Variants in GOLGA8A observed in about 807,000 individuals in gnomAD.
The protein encoded by GOLGA8A is golgin subfamily A member 8A.
In GOLGA8A, 3 loss-of-function variants were observed where a neutral mutation model predicts 22.1. The observed-to-expected ratio is 0.14, with a 90% CI of 0.06 to 0.35. GOLGA8A has a LOEUF of 0.35. Ranked by LOEUF, GOLGA8A falls within the 10% of genes least tolerant of loss-of-function variation. The pLI is 1.00. For synonymous variants in GOLGA8A, 7 were observed against 91.7 expected (o/e 0.08, Z 5.28); for missense variants, 16 against 233.2 (o/e 0.07, Z 6.07).
intron 2 of GOLGA8A, among the ~76,000 whole-genome samples, chr15:34,429,580 C>A (rs1043008136): frequency 1.3e-5 from 2 of 149,120 alleles, no homozygotes; most frequent in Admixed American, 6.8e-5. Context: ...GGGCCTTGGA[C>A]CCAGAGCCAG....
chr15:34,425,542 CTAAG>C (rs1892950702), intron 2 of GOLGA8A, among the ~76,000 whole-genome samples: 1 of 145,142 alleles, frequency 6.9e-6, no homozygotes, highest in Non-Finnish European at 1.5e-5. Context: ...AACCCATTCT[CTAAG>C]TAAGATACAA....
rs539295043 is a variant in GOLGA8A at position 34,437,185 on chromosome 15, G to A, written c.-1212+213C>T. Among the ~76,000 whole-genome samples, 69 of 147,428 alleles carry A rather than the reference G, an allele frequency of 4.7e-4. 4 individuals carry two copies. Among genetic ancestry groups the A allele is most frequent in the African/African-American group, 1.7e-3 (67 of 40,042 alleles). Reference sequence around the variant, plus strand: ...CGCCCGCCCATCGTGGGAGGAGGATGGGCCGGTCCGAGAGGCGTAAGGCCG... The same window carrying A: ...CGCCCGCCCATCGTGGGAGGAGGATAGGCCGGTCCGAGAGGCGTAAGGCCG... On this transcript the variant is annotated intron_variant, in intron 1 of 24. Coordinates refer to ENST00000359187, the MANE Select transcript of GOLGA8A (RefSeq NM_181077.5).
At chr15:34,431,355 C>CAT (rs1398032616) in intron 2 of GOLGA8A, among the ~76,000 whole-genome samples, 1 of 122,384 alleles carries the variant, frequency 8.2e-6, no homozygotes, top group Non-Finnish European at 1.7e-5. Flanking sequence ...ATCTCACACA[C>CAT]ACACACTCGT....
chr15:34,405,640 T>TC (rs1892198276), intron 4 of GOLGA8A, among the ~76,000 whole-genome samples: 1 of 141,264 alleles, frequency 7.1e-6, no homozygotes, highest in African/African-American at 2.5e-5. Context: ...GCTTCTGTGT[T>TC]CCCACAGTTA....
chr15:34,436,577 C>G (rs991450246), intron 1 of GOLGA8A, among the ~76,000 whole-genome samples: 2 of 150,222 alleles, frequency 1.3e-5, no homozygotes, highest in African/African-American at 2.5e-5. Flanking sequence ...TGCTGCAGGA[C>G]AGGCCCCTCC....
At chr15:34,434,669 C>A (rs1351622169) in intron 2 of GOLGA8A, among the ~76,000 whole-genome samples, 1 of 149,214 alleles carries the variant, frequency 6.7e-6, no homozygotes, top group Non-Finnish European at 1.5e-5. Context: ...GGGCCAACCA[C>A]CACCCAAGGG....
intron 2 of GOLGA8A, among the ~76,000 whole-genome samples, chr15:34,420,769 C>G (rs75253070): frequency 0.098 from 12,682 of 128,868 alleles, 968 homozygotes; most frequent in South Asian, 0.27. Flanking sequence ...TTTTCAGCAT[C>G]ACACGGAGTG....
chr15:34,423,669 A>G (rs1892869151), intron 2 of GOLGA8A, among the ~76,000 whole-genome samples: 1 of 148,340 alleles, frequency 6.7e-6, no homozygotes, highest in Non-Finnish European at 1.5e-5. Flanking sequence ...CACAGACTCC[A>G]GGGCCTCCCC....
rs138460485 is a variant in GOLGA8A at position 34,437,019 on chromosome 15, G to T, written c.-1212+379C>A. Among the ~76,000 whole-genome samples, 677 of 149,162 alleles carry T rather than the reference G, an allele frequency of 4.5e-3. 53 individuals carry two copies. Among genetic ancestry groups the T allele is most frequent in the African/African-American group, 0.016 (640 of 40,556 alleles). Reference sequence around the variant, plus strand: ...CCGGCGCCAAGCCGGGCAGCGGAACGCACCAGCGGCCCGACCAGCCCGGCG... The same window carrying T: ...CCGGCGCCAAGCCGGGCAGCGGAACTCACCAGCGGCCCGACCAGCCCGGCG... On this transcript the variant is annotated intron_variant, in intron 1 of 24. Coordinates refer to ENST00000359187, the MANE Select transcript of GOLGA8A (RefSeq NM_181077.5).
At chr15:34,428,119 A>T (rs7168438) in intron 2 of GOLGA8A, among the ~76,000 whole-genome samples, 10,131 of 140,936 alleles carry the variant, frequency 0.072, 747 homozygotes, top group South Asian at 0.2. Flanking sequence ...TGAGAGAGAG[A>T]AGTTCTCACT....
intron 4 of GOLGA8A, among the ~76,000 whole-genome samples, chr15:34,405,989 GGTCTGAGTGAAAGAATT>G (rs1231653735): frequency 7.4e-6 from 1 of 135,820 alleles, no homozygotes; most frequent in Non-Finnish European, 1.6e-5. Context: ...TGCTTGCTTT[GGTCTGAGTGAAAGAATT>G]GTCTCATTTT....
rs992308812 is a variant in GOLGA8A, at chr15:34,380,933, C to T, written c.*478G>A. 2 of 301,760 alleles carry T rather than the reference C, an allele frequency of 6.6e-6. No homozygotes were observed. The highest frequency in any genetic ancestry group is 4.5e-5 in the African/African-American group (2 of 44,690). 18.7% of individuals were successfully genotyped at this position (301,760 alleles called of 1,614,324 possible). ...GTAATAAACAGTGCACACTTGAGGG[C>T]AAACCGCATATTGAGCTATAGAAGA... On this transcript the variant is annotated 3_prime_UTR_variant, in exon 25 of 25. Transcript: ENST00000359187.
At chr15:34,424,570 A>T (rs1409000073) in intron 2 of GOLGA8A, among the ~76,000 whole-genome samples, 1 of 142,638 alleles carries the variant, frequency 7.0e-6, no homozygotes, top group Admixed American at 7.2e-5. Flanking sequence ...AGGCAAGAGG[A>T]GGGGATGATC....
chr15:34,435,437 AC>A lies in GOLGA8A; in HGVS notation c.-1178del, dbSNP rs1308635084. The A allele has an allele frequency of 1.3e-5, 2 of 149,186 alleles. No individual in the cohort carries two copies. The highest frequency in any genetic ancestry group is 2.0e-4 in the East Asian group (1 of 5,082). 9.2% of individuals were successfully genotyped at this position (149,186 alleles called of 1,614,324 possible). A position where few individuals can be genotyped will look rare whatever the true frequency, so the allele number is the denominator to read the frequency against. ...CGGTTGGCAAACTGGATATTTATGCACCTCCATTTCACAATCCATCTCCACC... is the reference window on the plus strand; with the variant it reads ...CGGTTGGCAAACTGGATATTTATGCACTCCATTTCACAATCCATCTCCACC... On this transcript the variant is annotated 5_prime_UTR_variant, in exon 2 of 25. The change abolishes the stop of an existing upstream ORF in the 5' untranslated region. Transcript: ENST00000359187.
chr15:34,433,758 C>T (rs185923784), intron 2 of GOLGA8A, among the ~76,000 whole-genome samples: 3 of 149,624 alleles, frequency 2.0e-5, no homozygotes, highest in Non-Finnish European at 4.5e-5. Flanking sequence ...ACTGGGGATC[C>T]AGAGGTGAAC....
intron 1 of GOLGA8A, among the ~76,000 whole-genome samples, chr15:34,436,917 G>C (rs1262194273): frequency 6.7e-6 from 1 of 149,666 alleles, no homozygotes; most frequent in Non-Finnish European, 1.5e-5. Flanking sequence ...GAAGATCCGG[G>C]CTCGAGTTCT....
rs1475847822 is a variant in GOLGA8A at position 34,380,859 on chromosome 15, G to A, written c.*552C>T. ...GGAGGAAAGGCTGTTTCCAGTTCTC[G>A]GCCTTTAAACAGCTCTAAATGTCAG... On this transcript the variant is annotated 3_prime_UTR_variant, in exon 25 of 25. Coordinates refer to ENST00000359187, the MANE Select transcript of GOLGA8A (RefSeq NM_181077.5). 2.8e-4 allele frequency: 52 copies of A among 186,814 alleles called. No homozygotes were observed. The highest frequency in any genetic ancestry group is 2.4e-3 in the Admixed American group (44 of 18,660). 11.6% of individuals were successfully genotyped at this position (186,814 alleles called of 1,614,324 possible). A position where few individuals can be genotyped will look rare whatever the true frequency, so the allele number is the denominator to read the frequency against.
intron 2 of GOLGA8A, among the ~76,000 whole-genome samples, chr15:34,421,344 C>T (rs1423574458): frequency 1.4e-5 from 2 of 142,792 alleles, no homozygotes; most frequent in African/African-American, 5.1e-5. Flanking sequence ...CGAAATAAAA[C>T]CCATCCCATT....
At chr15:34,435,873 A>G (rs1893483699) in intron 1 of GOLGA8A, among the ~76,000 whole-genome samples, 1 of 148,678 alleles carries the variant, frequency 6.7e-6, no homozygotes. Context: ...TACGAGCTCC[A>G]GCTTTATCTA....
Sources: allele counts gnomAD v4.1 joint callset (sites outside exome capture counted in the v4.1 genomes callset), GRCh38; gene constraint gnomAD v4.1.1; transcripts MANE v1.5; gene names NCBI Gene and HGNC (gene_info 2026-07-23, HGNC 2026-07-21).